The following LRP6 variants were observed in gnomAD, a reference collection of about 807,000 sequenced individuals.
LRP6 encodes LDL receptor related protein 6.
A neutral mutation model predicts 184.1 loss-of-function variants in LRP6; 43 were observed. That is an observed-to-expected ratio of 0.23 (90% CI 0.18 to 0.30). LRP6 has a LOEUF of 0.30. Ranked by LOEUF, LRP6 falls within the 10% of genes least tolerant of loss-of-function variation. The probability of loss-of-function intolerance (pLI) is 1.00; values close to 1 mark genes in which losing one functional copy is unlikely to be tolerated. For missense variants in LRP6, 1,571 were observed against 2,005.3 expected (o/e 0.78, Z 4.14); for synonymous variants, 719 against 684.9 (o/e 1.05, Z -0.78).
intron 2 of LRP6, among the ~76,000 whole-genome samples, chr12:12,233,873 C>A (rs1424562245): frequency 2.0e-5 from 3 of 151,926 alleles, no homozygotes; most frequent in African/African-American, 4.8e-5. Flanking sequence ...AAAAAACCAG[C>A]CTAAAAGCCT....
chr12:12,124,458 G>C lies in LRP6; in HGVS notation c.4547+107C>G, dbSNP rs1313227224. The C allele has an allele frequency of 3.8e-6, 3 of 785,546 alleles. No individual in the cohort carries two copies. The African/African-American group carries it at 5.1e-5, about 13-fold the overall frequency. 48.7% of individuals were successfully genotyped at this position (785,546 alleles called of 1,614,324 possible). A position where few individuals can be genotyped will look rare whatever the true frequency, so the allele number is the denominator to read the frequency against. On this transcript the variant is annotated intron_variant, in intron 22 of 22. Transcript: ENST00000261349. ...CAGTACTATCAAGATAAGATGACTAGTCTCTCTCTGGTGACCATCGTCTAC... is the reference window on the plus strand; with the variant it reads ...CAGTACTATCAAGATAAGATGACTACTCTCTCTCTGGTGACCATCGTCTAC...
chr12:12,122,039 T>C (rs1157857823), intron 22 of LRP6, among the ~76,000 whole-genome samples: 1 of 152,210 alleles, frequency 6.6e-6, no homozygotes, highest in Non-Finnish European at 1.5e-5. Flanking sequence ...TATAGGTAAG[T>C]ACCTCTCATA....
chr12:12,249,939 A>C (rs1158082798), intron 1 of LRP6, among the ~76,000 whole-genome samples: 1 of 152,190 alleles, frequency 6.6e-6, no homozygotes, highest in Admixed American at 6.5e-5. Flanking sequence ...CCTTGGAGCC[A>C]TCTTTGAGCC....
chr12:12,176,084 A>T (rs1863176427), intron 7 of LRP6, among the ~76,000 whole-genome samples: 1 of 151,604 alleles, frequency 6.6e-6, no homozygotes, highest in Admixed American at 6.6e-5. Context: ...CTGCAGGGTC[A>T]TATAAAATAG....
intron 2 of LRP6, among the ~76,000 whole-genome samples, chr12:12,215,153 T>C (rs1468649109): frequency 6.6e-6 from 1 of 152,172 alleles, no homozygotes; most frequent in Non-Finnish European, 1.5e-5. Context: ...GGTGTTTTGG[T>C]AACTCATTTT....
chr12:12,135,625 C>G (rs532468069), intron 16 of LRP6, among the ~76,000 whole-genome samples: 1 of 151,596 alleles, frequency 6.6e-6, no homozygotes, highest in East Asian at 1.9e-4. Flanking sequence ...TCCCGAGTAG[C>G]TGGGATTGCA....
In LRP6 at chr12:12,135,168, T is replaced by C; in HGVS notation, c.3733+7A>G. The C allele has an allele frequency of 6.2e-7, 1 of 1,613,730 alleles. No homozygotes were observed. ...AGGGTTGCACAAGAAAATTACAACATATTTACCTCCACATGATAGCTCATC... is the reference window on the plus strand; with the variant it reads ...AGGGTTGCACAAGAAAATTACAACACATTTACCTCCACATGATAGCTCATC... On this transcript the variant is annotated splice_region_variant and intron_variant, in intron 17 of 22. Coordinates refer to ENST00000261349, the MANE Select transcript of LRP6 (RefSeq NM_002336.3).
In LRP6 at chr12:12,152,306, T is replaced by C. The variant is rs1245245019; in HGVS notation, c.2792-1268A>G. On this transcript the variant is annotated intron_variant, in intron 12 of 22. Transcript: ENST00000261349. ...ACCTCTTTTTGTTCCCAGTTTCCAA[T>C]ATGTCTTTATCAACCGCATGAAAAT... is the stretch of plus-strand genomic sequence containing the variant. Among the ~76,000 whole-genome samples the C allele has an allele frequency of 2.0e-5, 3 of 152,306 alleles. No homozygotes were observed. In the South Asian group the frequency reaches 6.2e-4, roughly 32 times the overall value.
chr12:12,155,104 G>A (rs1319704524), intron 12 of LRP6, among the ~76,000 whole-genome samples: 1 of 152,152 alleles, frequency 6.6e-6, no homozygotes, highest in Non-Finnish European at 1.5e-5. Flanking sequence ...GCTAAGACAG[G>A]AGAATCACTT....
chr12:12,130,897 G>T lies in LRP6; in HGVS notation c.3971-4C>A. The T allele has an allele frequency of 1.3e-6, 2 of 1,502,176 alleles. No homozygotes were observed. Among genetic ancestry groups the T allele is most frequent in the Non-Finnish European group, 1.9e-6 (2 of 1,078,756 alleles). 93.1% of individuals were successfully genotyped at this position (1,502,176 alleles called of 1,614,324 possible). ...AACTGATCAATTAAACAAAGCACTG[G>T]AAAAAAAACATAAATAGTTTCCTTA... On this transcript the variant is annotated splice_polypyrimidine_tract_variant and splice_region_variant and intron_variant, in intron 18 of 22. Coordinates refer to ENST00000261349, the MANE Select transcript of LRP6 (RefSeq NM_002336.3).
chr12:12,237,518 A>G (rs1864955964), intron 2 of LRP6, among the ~76,000 whole-genome samples: 1 of 152,240 alleles, frequency 6.6e-6, no homozygotes, highest in African/African-American at 2.4e-5. Flanking sequence ...ATTGCAAGGG[A>G]AAAAACAGTA....
intron 7 of LRP6, among the ~76,000 whole-genome samples, chr12:12,171,024 C>G (rs1863022994): frequency 6.6e-6 from 1 of 152,032 alleles, no homozygotes; most frequent in Non-Finnish European, 1.5e-5. Context: ...ATCTCCTTAG[C>G]CCTCCTGCTT....
intron 20 of LRP6, 135 bp downstream of exon 20, chr12:12,126,556 G>T: frequency 1.4e-6 from 1 of 739,784 alleles, no homozygotes; most frequent in Non-Finnish European, 2.4e-6. Flanking sequence ...AAAAAAGAAC[G>T]TTTGTCCTTA....
At chr12:12,239,722 C>T (rs1225250482) in intron 2 of LRP6, among the ~76,000 whole-genome samples, 6 of 150,848 alleles carry the variant, frequency 4.0e-5, no homozygotes, top group Non-Finnish European at 7.4e-5. Context: ...TCTTTATAAT[C>T]ACCAAGTTTC....
At chr12:12,145,403 A>C (rs1949990279) in intron 15 of LRP6, among the ~76,000 whole-genome samples, 1 of 152,142 alleles carries the variant, frequency 6.6e-6, no homozygotes, top group Non-Finnish European at 1.5e-5. Flanking sequence ...ATACAGGAGT[A>C]AGCAGTCTCA....
At chr12:12,201,257 GT>G (rs1184591428) in intron 3 of LRP6, among the ~76,000 whole-genome samples, 1 of 151,962 alleles carries the variant, frequency 6.6e-6, no homozygotes, top group Admixed American at 6.6e-5. Flanking sequence ...ATTCAATTTT[GT>G]TTTAATCAGT....
intron 1 of LRP6, among the ~76,000 whole-genome samples, chr12:12,256,817 AT>A (rs992505618): frequency 6.6e-6 from 1 of 152,144 alleles, no homozygotes; most frequent in Non-Finnish European, 1.5e-5. Flanking sequence ...AAAAAAACAG[AT>A]TTTTTTAACG....
intron 1 of LRP6, among the ~76,000 whole-genome samples, chr12:12,257,779 CAAAAAAAAAAAAAA>C (rs1163180718): frequency 2.6e-3 from 92 of 35,328 alleles, no homozygotes; most frequent in Non-Finnish European, 2.8e-3. Flanking sequence ...CCTGTCTCTA[CAAAAAAAAAAAAAA>C]AAAAAAAAAA....
At position 12,199,968 on chromosome 12, in the gene LRP6, A is replaced by C. The variant is rs1459696328; in HGVS notation, c.647+3235T>G. Reference sequence around the variant, plus strand: ...CAACAGAGCGAGACTCCATCTCAAAAAAAAAAAAAAAAAAAAAAAAAAAAA... The same window carrying C: ...CAACAGAGCGAGACTCCATCTCAAACAAAAAAAAAAAAAAAAAAAAAAAAA... On this transcript the variant is annotated intron_variant, in intron 3 of 22. Coordinates refer to ENST00000261349, the MANE Select transcript of LRP6 (RefSeq NM_002336.3). Among the ~76,000 whole-genome samples the C allele has an allele frequency of 1.4e-4, 6 of 41,560 alleles. No homozygotes were observed. In the Admixed American group the frequency reaches 1.8e-3, roughly 13 times the overall value. 27.3% of individuals were successfully genotyped at this position (41,560 alleles called of 152,430 possible).
Sources: gnomAD v4.1 joint callset for allele counts (sites outside exome capture counted in the v4.1 genomes callset) on GRCh38, gnomAD v4.1.1 for gene constraint, MANE v1.5 for transcripts, NCBI Gene and HGNC (gene_info 2026-07-23, HGNC 2026-07-21) for gene names.